The following BCAR3 variants were observed in gnomAD, a reference collection of about 807,000 sequenced individuals.
BCAR3 encodes breast cancer anti-estrogen resistance protein 3.
Under a neutral mutation model 80.1 loss-of-function variants are expected in BCAR3, and 37 were observed. The ratio of observed to expected loss-of-function variants is 0.46; its 90% CI spans 0.36 to 0.61. BCAR3 has a LOEUF of 0.61. BCAR3 is among the 20% of genes least tolerant of loss of function. BCAR3 has a pLI of 0.00. For missense variants in BCAR3, 978 were observed against 1,068.2 expected (o/e 0.92, Z 1.18); for synonymous variants, 389 against 418.9 (o/e 0.93, Z 0.87).
At chr1:93,753,012 A>G (rs1651616323) in intron 2 of BCAR3, 1 of 152,240 alleles carries the variant, frequency 6.6e-6, no homozygotes, top group African/African-American at 2.4e-5. Context: ...CATGTGACGC[A>G]CAGTGCTAAG....
intron 2 of BCAR3, among the ~76,000 whole-genome samples, chr1:93,745,660 C>T (rs1651328382): frequency 1.3e-5 from 2 of 152,136 alleles, no homozygotes; most frequent in South Asian, 4.1e-4. Context: ...TGTTCATAAC[C>T]AGGTGTGGGG....
intron 2 of BCAR3, among the ~76,000 whole-genome samples, chr1:93,771,603 G>T (rs2223907): frequency 0.085 from 12,986 of 152,296 alleles, 756 homozygotes; most frequent in Non-Finnish European, 0.12. Flanking sequence ...AGGAAAATAA[G>T]TCATAAGTTA....
In BCAR3 at chr1:93,589,252, C is replaced by T. The variant is rs1233087675; in HGVS notation, c.654G>A (p.Gln218=). The change falls in exon 5 of 12, where the codon CAG becomes CAA. Residue 218 remains glutamine (Q), a synonymous_variant. Transcript: ENST00000260502. ...LSEAYSRVQY[Q]FEMESFDSIP... ...TGGAGTCGAAGCTCTCCATCTCGAA[C>T]TGGTACTGCACGCGGCTGTAGGCCT... is the stretch of plus-strand genomic sequence containing the variant. 6.2e-7 allele frequency: 1 copy of T among 1,614,192 alleles called. No individual in the cohort carries two copies. The highest frequency in any genetic ancestry group is 2.2e-5 in the East Asian group (1 of 44,882).
intron 7 of BCAR3, 55 bp downstream of exon 7, chr1:93,582,245 CT>C: frequency 6.4e-7 from 1 of 1,569,376 alleles, no homozygotes; most frequent in South Asian, 1.2e-5. Flanking sequence ...ACCGGGACCC[CT>C]AGCTCTTACC....
intron 2 of BCAR3, among the ~76,000 whole-genome samples, chr1:93,710,056 G>C (rs1382566233): frequency 6.6e-6 from 1 of 152,184 alleles, no homozygotes; most frequent in Non-Finnish European, 1.5e-5. Flanking sequence ...AAAAAGATTA[G>C]GCCAGTTGGA....
At chr1:93,785,920 G>A (rs536306653) in intron 2 of BCAR3, among the ~76,000 whole-genome samples, 6 of 115,432 alleles carry the variant, frequency 5.2e-5, no homozygotes, top group Admixed American at 1.8e-4. Context: ...CCGGCCGGGC[G>A]CGGTGGCTCA....
At chr1:93,567,689 A>G (rs761532804) in intron 10 of BCAR3, 51 bp downstream of exon 10, 1 of 1,538,348 alleles carries the variant, frequency 6.5e-7, no homozygotes, top group South Asian at 1.1e-5. Flanking sequence ...GTGTACTTGT[A>G]CTCCACTCCC....
rs778964260 is a variant in BCAR3, at chr1:93,562,387, A to G, written c.2332T>C (p.Cys778Arg). Residue 778 changes from cysteine to arginine, a missense_variant, in exon 12 of 12, where the codon TGC becomes CGC. By Grantham distance (180) the Cys-to-Arg change is radical. Coordinates refer to ENST00000260502, the MANE Select transcript of BCAR3 (RefSeq NM_003567.4). Reference sequence around the variant, plus strand: ...AATCGCATTTGAAATTCAGTCTTGCAGATTTCATTCATTTCTTCATCTGGT... The same window carrying G: ...AATCGCATTTGAAATTCAGTCTTGCGGATTTCATTCATTTCTTCATCTGGT... ...FQPDEEMNEI[C>R]KTEFQMRLLW... 1.2e-6 allele frequency: 2 copies of G among 1,613,996 alleles called. No homozygotes were observed. The highest frequency in any genetic ancestry group is 1.7e-6 in the Non-Finnish European group (2 of 1,179,960).
intron 8 of BCAR3, among the ~76,000 whole-genome samples, chr1:93,574,116 T>C (rs1673343597): frequency 6.6e-6 from 1 of 152,180 alleles, no homozygotes; most frequent in Non-Finnish European, 1.5e-5. Context: ...GTTAACTGAA[T>C]GGTTATATCC....
At chr1:93,676,570 G>A (rs115231093) in intron 1 of BCAR3, among the ~76,000 whole-genome samples, 2,174 of 152,290 alleles carry the variant, frequency 0.014, 52 homozygotes, top group African/African-American at 0.05. Flanking sequence ...AGAGTCCTGT[G>A]CAGCCCCTCC....
chr1:93,688,081 C>G (rs546419628), intron 3 of BCAR3, among the ~76,000 whole-genome samples: 1 of 152,160 alleles, frequency 6.6e-6, no homozygotes, highest in Admixed American at 6.5e-5. Context: ...GGTGCCTGCC[C>G]CTGAAGAGCT....
At chr1:93,708,956 C>T (rs117089811) in intron 2 of BCAR3, among the ~76,000 whole-genome samples, 1 of 152,248 alleles carries the variant, frequency 6.6e-6, no homozygotes, top group East Asian at 1.9e-4. Context: ...AGCTTCTAAG[C>T]TTCGGGCTTG....
chr1:93,789,051 A>G (rs1653047154), intron 2 of BCAR3, among the ~76,000 whole-genome samples: 1 of 151,660 alleles, frequency 6.6e-6, no homozygotes, highest in Non-Finnish European at 1.5e-5. Flanking sequence ...GCTAGAGTGG[A>G]GTGGTGCGAT....
At chr1:93,638,587 A>G (rs1675873630) in intron 3 of BCAR3, among the ~76,000 whole-genome samples, 1 of 152,098 alleles carries the variant, frequency 6.6e-6, no homozygotes, top group Non-Finnish European at 1.5e-5. Context: ...TTAAAAAAAA[A>G]TGTTTGGTTT....
chr1:93,627,344 A>C (rs1374222525), intron 3 of BCAR3, among the ~76,000 whole-genome samples: 6 of 152,232 alleles, frequency 3.9e-5, no homozygotes, highest in African/African-American at 1.4e-4. Flanking sequence ...GTTCATTGAC[A>C]GGATTTCAGA....
intron 1 of BCAR3, among the ~76,000 whole-genome samples, chr1:93,846,636 C>G (rs750751299): frequency 6.6e-6 from 1 of 151,994 alleles, no homozygotes; most frequent in Non-Finnish European, 1.5e-5. Flanking sequence ...ACCCCGCGGC[C>G]GCGCTCGAGC....
upstream of BCAR3, among the ~76,000 whole-genome samples, chr1:93,686,033 C>A (rs6702036): frequency 0.3 from 45,523 of 151,748 alleles, 10,429 homozygotes; most frequent in African/African-American, 0.65. Context: ...ATGAGCTTCA[C>A]ATATTTTTCA....
intron 3 of BCAR3, chr1:93,613,702 C>T: frequency 2.0e-6 from 2 of 1,002,186 alleles, no homozygotes; most frequent in South Asian, 3.4e-5. Context: ...ACTAGGGGCT[C>T]TTGAAGACCC....
chr1:93,772,682 G>A (rs1002120922), intron 2 of BCAR3, among the ~76,000 whole-genome samples: 5 of 151,990 alleles, frequency 3.3e-5, no homozygotes, highest in African/African-American at 9.7e-5. Context: ...TTGGCTCATT[G>A]CAACCTGCAC....
Sources: allele counts gnomAD v4.1 joint callset (sites outside exome capture counted in the v4.1 genomes callset), GRCh38; gene constraint gnomAD v4.1.1; transcripts MANE v1.5; gene names NCBI Gene and HGNC (gene_info 2026-07-23, HGNC 2026-07-21).